Variants in SLC39A6 observed in about 807,000 individuals in gnomAD.
SLC39A6 encodes zinc transporter ZIP6.
Under a neutral mutation model 63.5 loss-of-function variants are expected in SLC39A6, and 51 were observed. The observed-to-expected ratio is 0.80, with a 90% CI of 0.64 to 1.01. The LOEUF is 1.01. Ranked by LOEUF, SLC39A6 falls within the 50% of genes least tolerant of loss-of-function variation. SLC39A6 has a pLI of 0.00. For synonymous variants in SLC39A6, 318 were observed against 324.7 expected (o/e 0.98, Z 0.22); for missense variants, 805 against 927.8 (o/e 0.87, Z 1.72).
In SLC39A6 at chr18:36,126,895, G is replaced by C; in HGVS notation, c.113C>G (p.Pro38Arg). The part of the protein sequence containing the change: ...AFPQTTEKIS[P>R]NWESGINVDL... ...AACATTAATGCCAGATTCCCAATTC[G>C]GACTAATTTTCTCAGTGGTCTGGGG... The change falls in exon 2 of 10, where the codon CCG (proline) becomes CGG (arginine). Residue 38 changes from proline to arginine, a missense_variant. Coordinates refer to ENST00000269187, the MANE Select transcript of SLC39A6 (RefSeq NM_012319.4). 1.2e-6 allele frequency: 2 copies of C among 1,614,028 alleles called. No homozygotes were observed. The highest frequency in any genetic ancestry group is 1.7e-6 in the Non-Finnish European group (2 of 1,180,006).
At position 36,109,540 on chromosome 18, in the gene SLC39A6, G is replaced by T; in HGVS notation, c.*53C>A. 1 of 1,429,598 alleles carries T rather than the reference G, an allele frequency of 7.0e-7. No individual in the cohort carries two copies. Among genetic ancestry groups the T allele is most frequent in the Non-Finnish European group, 9.8e-7 (1 of 1,025,060 alleles). The allele number at this position is 1,429,598 out of a possible 1,614,324, so 88.6% of individuals were successfully genotyped here. A position where few individuals can be genotyped will look rare whatever the true frequency, so the allele number is the denominator to read the frequency against. ...ACAGCATACAAACTCATCTCCCTAT[G>T]ACCTACTGAAACTATGACAACTTTT... On this transcript the variant is annotated 3_prime_UTR_variant, in exon 10 of 10. Transcript: ENST00000269187.
chr18:36,122,062 T>C lies in SLC39A6; in HGVS notation c.1349A>G (p.Lys450Arg). Reference sequence around the variant, plus strand: ...TATACTTTTTCTTACCTTTTTCTTCTTATCTTTAAATTGTTTGATCAATGT... The same window carrying C: ...TATACTTTTTCTTACCTTTTTCTTCCTATCTTTAAATTGTTTGATCAATGT... ...VLTLIKQFKD[K>R]KKKNQKKPEN... Residue 450 changes from lysine to arginine, a missense_variant, in exon 5 of 10, where the codon AAG becomes AGG. Transcript: ENST00000269187. 6.2e-7 allele frequency: 1 copy of C among 1,608,076 alleles called. No homozygotes were observed. The highest frequency in any genetic ancestry group is 2.2e-5 in the East Asian group (1 of 44,850).
At position 36,126,419 on chromosome 18, in the gene SLC39A6, C is replaced by G; in HGVS notation, c.589G>C (p.Glu197Gln). 6.2e-7 allele frequency: 1 copy of G among 1,614,210 alleles called. No homozygotes were observed. The highest frequency in any genetic ancestry group is 8.5e-7 in the Non-Finnish European group (1 of 1,180,026). Residue 197 changes from glutamate to glutamine, a missense_variant, in exon 2 of 10, where the codon GAA becomes CAA. Physicochemically the swap from Glu to Gln is conservative, Grantham distance 29. This residue lies in a region of SLC39A6 where 639 missense variants were observed against 644.0 expected (regional missense o/e 0.99). Coordinates refer to ENST00000269187, the MANE Select transcript of SLC39A6 (RefSeq NM_012319.4). ...VTSTVYNTVS[E>Q]GTHFLETIET... The stretch of plus-strand genomic sequence containing the variant: ...ATTGTCTCTAGAAAGTGAGTTCCTT[C>G]AGAGACAGTGTTGTACACAGTTGAG...
chr18:36,113,793 A>G (rs189571483), intron 7 of SLC39A6, among the ~76,000 whole-genome samples: 4 of 152,320 alleles, frequency 2.6e-5, no homozygotes, highest in African/African-American at 7.2e-5. Flanking sequence ...ATAGGGAGAA[A>G]AAAAAATCTC....
At position 36,109,370 on chromosome 18, in the gene SLC39A6, G is replaced by C; in HGVS notation, c.*223C>G. The C allele has an allele frequency of 2.8e-6, 1 of 356,164 alleles. No homozygotes were observed. The highest frequency in any genetic ancestry group is 4.5e-5 in the East Asian group (1 of 22,122). The allele number at this position is 356,164 out of a possible 1,614,324, so 22.1% of individuals were successfully genotyped here. ...AATCTCTTGTTTACATAATAAACTG[G>C]TAATACCGGTGAATTGCACATACAG... is the stretch of plus-strand genomic sequence containing the variant. On this transcript the variant is annotated 3_prime_UTR_variant, in exon 10 of 10. Transcript: ENST00000269187.
At chr18:36,127,600 A>C (rs1266441829) in intron 1 of SLC39A6, among the ~76,000 whole-genome samples, 4 of 152,058 alleles carry the variant, frequency 2.6e-5, no homozygotes, top group Non-Finnish European at 4.4e-5. Context: ...TAGAAATAAT[A>C]ATCTCAGAAT....
chr18:36,122,322 G>A (rs775172225), intron 4 of SLC39A6, 52 bp from the exon 5 acceptor site: 1 of 1,442,834 alleles, frequency 6.9e-7, no homozygotes, highest in Non-Finnish European at 9.6e-7. Flanking sequence ...CACACACCGA[G>A]TCAGAAAGTT....
intron 5 of SLC39A6, among the ~76,000 whole-genome samples, chr18:36,117,548 C>T (rs1241288430): frequency 1.3e-5 from 2 of 148,942 alleles, no homozygotes; most frequent in Non-Finnish European, 3.0e-5. Flanking sequence ...GTGTAAAGGT[C>T]ACTGTTTGAA....
At chr18:36,115,488 CAA>C (rs1491570656) in intron 6 of SLC39A6, among the ~76,000 whole-genome samples, 9 of 138,450 alleles carry the variant, frequency 6.5e-5, no homozygotes, top group African/African-American at 2.3e-4. Context: ...ACAACAACAA[CAA>C]CAACCATATA....
intron 5 of SLC39A6, among the ~76,000 whole-genome samples, chr18:36,119,321 T>C (rs993346578): frequency 1.3e-5 from 2 of 152,190 alleles, no homozygotes; most frequent in Non-Finnish European, 2.9e-5. Context: ...GAAGTCTTCA[T>C]CTAGAAATTA....
At chr18:36,113,188 G>A (rs556098904) in intron 7 of SLC39A6, among the ~76,000 whole-genome samples, 8 of 151,912 alleles carry the variant, frequency 5.3e-5, no homozygotes, top group South Asian at 4.2e-4. Flanking sequence ...TCAAACTCCC[G>A]GGCTCAAGCG....
chr18:36,114,572 T>A, intron 6 of SLC39A6, 98 bp from the exon 7 acceptor site: 1 of 831,096 alleles, frequency 1.2e-6, no homozygotes, highest in Non-Finnish European at 1.9e-6. Flanking sequence ...CAGAAGATCT[T>A]AAAGCATGAT....
In SLC39A6 at chr18:36,116,841, A is replaced by G. The variant is rs552494721; in HGVS notation, c.1360-62T>C. The G allele has an allele frequency of 8.4e-6, 10 of 1,188,188 alleles. No homozygotes were observed. The East Asian group carries it at 1.7e-4, about 20-fold the overall frequency. 73.6% of individuals were successfully genotyped at this position (1,188,188 alleles called of 1,614,324 possible). ...AATTTGTTTATATGTACAGCTTTCA[A>G]TCAATAACCAGGTAAGCAAAACACA... On this transcript the variant is annotated intron_variant, in intron 5 of 9. Coordinates refer to ENST00000269187, the MANE Select transcript of SLC39A6 (RefSeq NM_012319.4).
At position 36,126,903 on chromosome 18, in the gene SLC39A6, T is replaced by G. The variant is rs962564175; in HGVS notation, c.105A>C (p.Lys35Asn). ...TGCCAGATTCCCAATTCGGACTAATTTTCTCAGTGGTCTGGGGGAAAGCAG... is the reference window on the plus strand; with the variant it reads ...TGCCAGATTCCCAATTCGGACTAATGTTCTCAGTGGTCTGGGGGAAAGCAG... ...KAAAFPQTTE[K>N]ISPNWESGIN... The change falls in exon 2 of 10, where the codon AAA (lysine) becomes AAC (asparagine). Residue 35 changes from lysine (K) to asparagine (N), a missense_variant. Transcript: ENST00000269187. The G allele has an allele frequency of 1.2e-6, 2 of 1,614,118 alleles. No homozygotes were observed. The highest frequency in any genetic ancestry group is 2.7e-5 in the African/African-American group (2 of 74,926).
chr18:36,122,129 G>T lies in SLC39A6; in HGVS notation c.1282C>A (p.Leu428Ile). ...FDSTWKGLTA[L>I]GGLYFMFLVE... ...AGAAACATGAAATACAGGCCTCCTA[G>T]AGCTGTTAGACCCTTCCACGTGGAA... Residue 428 changes from leucine (L) to isoleucine (I), a missense_variant, in exon 5 of 10, where the codon CTA becomes ATA. Leu to Ile is a conservative substitution (Grantham distance 5, BLOSUM62 2). This residue lies in a region of SLC39A6 where 639 missense variants were observed against 644.0 expected (regional missense o/e 0.99). Transcript: ENST00000269187. 6.2e-7 allele frequency: 1 copy of T among 1,613,988 alleles called. No individual in the cohort carries two copies. The highest frequency in any genetic ancestry group is 8.5e-7 in the Non-Finnish European group (1 of 1,179,920).
At chr18:36,110,965 C>G in intron 9 of SLC39A6, 94 bp downstream of exon 9, 1 of 1,519,138 alleles carries the variant, frequency 6.6e-7, no homozygotes, top group Non-Finnish European at 8.8e-7. Flanking sequence ...ACTTCCTGCT[C>G]CCCCAAAAAG....
chr18:36,120,730 C>A (rs535304070), intron 5 of SLC39A6, among the ~76,000 whole-genome samples: 1 of 152,104 alleles, frequency 6.6e-6, no homozygotes, highest in Admixed American at 6.5e-5. Flanking sequence ...TGGCCTCAAG[C>A]AATCCTGCTG....
chr18:36,116,270 A>G (rs1247832560), intron 6 of SLC39A6, among the ~76,000 whole-genome samples: 1 of 152,212 alleles, frequency 6.6e-6, no homozygotes, highest in Non-Finnish European at 1.5e-5. Context: ...GTAAAGAAAC[A>G]TCATGTCTAT....
intron 9 of SLC39A6, 147 bp from the exon 10 acceptor site, chr18:36,109,892 C>T: frequency 3.4e-6 from 2 of 590,536 alleles, no homozygotes; most frequent in Admixed American, 6.5e-5. Context: ...TGATTACATA[C>T]ATACTGACTC....
Sources: allele counts gnomAD v4.1 joint callset (sites outside exome capture counted in the v4.1 genomes callset), GRCh38; gene constraint gnomAD v4.1.1; regional missense constraint gnomAD v4.1.1; transcripts MANE v1.5; gene names NCBI Gene and HGNC (gene_info 2026-07-23, HGNC 2026-07-21).